SHTN1: variants seen among roughly 807,000 people sequenced by gnomAD.
SHTN1 encodes the protein shootin-1.
Under a neutral mutation model 83.1 loss-of-function variants are expected in SHTN1, and 42 were observed. That is an observed-to-expected ratio of 0.51 (90% CI 0.39 to 0.65). The LOEUF (loss-of-function observed/expected upper bound fraction) is 0.65. Ranked by LOEUF, SHTN1 falls within the 30% of genes least tolerant of loss-of-function variation. The pLI is 0.00. For missense variants in SHTN1, 622 were observed against 737.8 expected (o/e 0.84, Z 1.82); for synonymous variants, 224 against 247.7 (o/e 0.90, Z 0.90).
At chr10:116,959,486 G>A (rs1850101715) in intron 4 of SHTN1, among the ~76,000 whole-genome samples, 1 of 152,160 alleles carries the variant, frequency 6.6e-6, no homozygotes, top group Admixed American at 6.5e-5. Context: ...AAATTTGGTT[G>A]AAAATTGCTG....
rs573159794 is a variant in SHTN1 at position 117,093,664 on chromosome 10, CTT to C, written c.-189+32641_-189+32642del. ...GGACTTTTTCACGACACCAGGCTCT[CTT>C]TAGTCATAAGCTGTACTGTAACAAC... On this transcript the variant is annotated intron_variant, in intron 1 of 17. Coordinates refer to the SHTN1 transcript ENST00000392901. Among the ~76,000 whole-genome samples the C allele has an allele frequency of 9.2e-5, 14 of 152,328 alleles. No individual in the cohort carries two copies. In the East Asian group the frequency reaches 2.7e-3, roughly 29 times the overall value.
chr10:116,881,946 C>T lies in SHTN1; in HGVS notation c.*4398G>A. The T allele has an allele frequency of 6.9e-6, 2 of 290,598 alleles. No individual in the cohort carries two copies. Among genetic ancestry groups the T allele is most frequent in the East Asian group, 5.9e-5 (1 of 16,850 alleles). 18.0% of individuals were successfully genotyped at this position (290,598 alleles called of 1,614,324 possible). ...CAGGGACACGCTCCAGTAAAAGAGG[C>T]CAATATTTTTGTTGCCAACTCCACA... is the stretch of plus-strand genomic sequence containing the variant. On this transcript the variant is annotated 3_prime_UTR_variant, in exon 17 of 17. Coordinates refer to ENST00000355371, the MANE Select transcript of SHTN1 (RefSeq NM_001127211.3).
chr10:117,097,013 GCACA>G (rs1158397927), intron 1 of SHTN1, among the ~76,000 whole-genome samples: 1 of 141,658 alleles, frequency 7.1e-6, no homozygotes, highest in South Asian at 2.3e-4. Context: ...GCACGCGCGC[GCACA>G]CACACACACA....
At chr10:116,983,687 AATACATACATACATACATAC>A (rs3981231) in intron 1 of SHTN1, among the ~76,000 whole-genome samples, 6 of 60,330 alleles carry the variant, frequency 9.9e-5, no homozygotes, top group South Asian at 5.4e-4. Flanking sequence ...TAGATAGATA[AATACATACATACATACATAC>A]ATACATACAT....
intron 9 of SHTN1, among the ~76,000 whole-genome samples, chr10:116,933,831 T>C (rs1032052482): frequency 1.1e-4 from 16 of 152,316 alleles, no homozygotes; most frequent in Non-Finnish European, 2.2e-4. Flanking sequence ...CAGCATCTGT[T>C]GTTTCCTGAC....
At chr10:117,071,645 G>T (rs986749622) in intron 1 of SHTN1, among the ~76,000 whole-genome samples, 8 of 152,136 alleles carry the variant, frequency 5.3e-5, no homozygotes, top group Non-Finnish European at 1.2e-4. Context: ...CATCAGGGCT[G>T]GGCTTTTGGG....
intron 16 of SHTN1, among the ~76,000 whole-genome samples, chr10:116,891,034 C>G (rs11812450): frequency 0.051 from 7,781 of 152,260 alleles, 652 homozygotes; most frequent in African/African-American, 0.17. Context: ...CAAAAGAGCC[C>G]TAATAGACGT....
chr10:116,908,686 GTACA>G lies in SHTN1; in HGVS notation c.1360-1943_1360-1940del, dbSNP rs555226880. ...TCAAGGAAAACTTATGTGTGTGTTC[GTACA>G]TACATACATACATACCTTTCAAGGA... On this transcript the variant is annotated intron_variant, in intron 14 of 16. Transcript: ENST00000355371. Among the ~76,000 whole-genome samples, 823 of 152,176 alleles carry G rather than the reference GTACA, an allele frequency of 5.4e-3. 4 individuals carry two copies. Among genetic ancestry groups the G allele is most frequent in the African/African-American group, 0.019 (780 of 41,528 alleles).
intron 2 of SHTN1, among the ~76,000 whole-genome samples, chr10:117,030,034 G>C (rs1436180758): frequency 6.6e-6 from 1 of 151,874 alleles, no homozygotes; most frequent in Non-Finnish European, 1.5e-5. Context: ...GCCTACAGGT[G>C]CATGCCATCA....
At chr10:116,963,973 G>GCT (rs1554920670) in intron 3 of SHTN1, among the ~76,000 whole-genome samples, 1 of 146,128 alleles carries the variant, frequency 6.8e-6, no homozygotes, top group Non-Finnish European at 1.5e-5. Context: ...TAGGGTAACT[G>GCT]TTTTTTTTTT....
chr10:117,085,317 CA>C (rs1426976820), intron 1 of SHTN1, among the ~76,000 whole-genome samples: 2 of 152,114 alleles, frequency 1.3e-5, no homozygotes, highest in Non-Finnish European at 2.9e-5. Flanking sequence ...TTACTGGTCC[CA>C]CAAATTTTGA....
chr10:116,981,172 A>T lies in SHTN1; in HGVS notation c.59-1864T>A, dbSNP rs1851005461. ...CGCCTCTACAAAAAGTACAAAAATT[A>T]GCTGGGCATGGTAGCACTTGCCTGT... On this transcript the variant is annotated intron_variant, in intron 1 of 16. Transcript: ENST00000355371. Among the ~76,000 whole-genome samples, 4 of 152,156 alleles carry T rather than the reference A, an allele frequency of 2.6e-5. No homozygotes were observed. In the South Asian group the frequency reaches 8.3e-4, roughly 32 times the overall value.
At chr10:116,906,414 C>T (rs905477437) in intron 15 of SHTN1, among the ~76,000 whole-genome samples, 35 of 152,284 alleles carry the variant, frequency 2.3e-4, no homozygotes, top group Admixed American at 7.8e-4. Context: ...TGCCTGGTTA[C>T]CTACAAATAA....
chr10:116,965,496 A>G (rs1850356330), intron 3 of SHTN1, among the ~76,000 whole-genome samples: 1 of 152,224 alleles, frequency 6.6e-6, no homozygotes, highest in Non-Finnish European at 1.5e-5. Flanking sequence ...CAGTCTGGGC[A>G]ACAGAATGAG....
At chr10:116,988,124 A>G (rs1851288239) in intron 1 of SHTN1, among the ~76,000 whole-genome samples, 1 of 152,208 alleles carries the variant, frequency 6.6e-6, no homozygotes, top group Non-Finnish European at 1.5e-5. Context: ...GTTAATAATA[A>G]TATATCAATT....
At chr10:116,985,372 C>T (rs1203375639) in intron 1 of SHTN1, among the ~76,000 whole-genome samples, 1 of 152,204 alleles carries the variant, frequency 6.6e-6, no homozygotes, top group African/African-American at 2.4e-5. Context: ...TCTACTGACT[C>T]CCAGAGTCAT....
At chr10:116,911,894 A>G in intron 13 of SHTN1, 51 bp from the exon 14 acceptor site, 1 of 1,309,504 alleles carries the variant, frequency 7.6e-7, no homozygotes, top group Non-Finnish European at 1.1e-6. Flanking sequence ...GTTTAAAAAT[A>G]CTAAACAATG....
In SHTN1 at chr10:116,954,215, G is replaced by A. The variant is rs1849892309; in HGVS notation, c.268-5C>T. The stretch of plus-strand genomic sequence containing the variant: ...CGTTTTATTTTCTTTATTTAGCTAA[G>A]ACAAAATATAAAAACAGTTATTTTA... On this transcript the variant is annotated splice_region_variant and splice_polypyrimidine_tract_variant and intron_variant, in intron 4 of 16. Transcript: ENST00000355371. The A allele has an allele frequency of 1.9e-6, 3 of 1,576,544 alleles. 1 individual carries two copies. The South Asian group carries it at 3.5e-5, about 18-fold the overall frequency.
chr10:117,054,474 C>T (rs557842180), intron 1 of SHTN1, among the ~76,000 whole-genome samples: 11 of 146,894 alleles, frequency 7.5e-5, no homozygotes, highest in East Asian at 4.0e-4. Flanking sequence ...GGTGTGATCT[C>T]GGCTCACTGC....
Sources: gnomAD v4.1 joint callset for allele counts (sites outside exome capture counted in the v4.1 genomes callset) on GRCh38, gnomAD v4.1.1 for gene constraint, MANE v1.5 for transcripts, NCBI Gene and HGNC (gene_info 2026-07-23, HGNC 2026-07-21) for gene names.